The following IQCJ variants were observed in gnomAD, a reference collection of about 807,000 sequenced individuals.
IQCJ encodes IQ motif containing J, also known as IQ domain-containing protein J.
In IQCJ, 9 loss-of-function variants were observed where a neutral mutation model predicts 11.0. The ratio of observed to expected loss-of-function variants is 0.82; its 90% confidence interval spans 0.49 to 1.43. The LOEUF is 1.43. Among genes scored for constraint, IQCJ ranks in the 40% most tolerant of loss-of-function variants. IQCJ has a pLI of 0.00. For missense variants in IQCJ, 146 were observed against 133.2 expected, an observed-to-expected ratio of 1.10 and a Z score of -0.47; for synonymous variants, 55 against 51.3, an observed-to-expected ratio of 1.07 and a Z score of -0.31.
chr3:159,265,459 C>A, downstream of IQCJ: 1 of 1,375,866 alleles, frequency 7.3e-7, no homozygotes, highest in Non-Finnish European at 1.0e-6. Context: ...ACTGACTAAG[C>A]CTGTCATCAA....
intron 1 of IQCJ, among the ~76,000 whole-genome samples, chr3:159,111,199 C>A (rs1298761145): frequency 2.0e-5 from 3 of 152,098 alleles, no homozygotes; most frequent in Admixed American, 6.5e-5. Flanking sequence ...AGGGTGTCTT[C>A]TAATCTTTTA....
At chr3:159,167,406 A>G (rs1722232977) in intron 1 of IQCJ, among the ~76,000 whole-genome samples, 1 of 152,178 alleles carries the variant, frequency 6.6e-6, no homozygotes, top group African/African-American at 2.4e-5. Flanking sequence ...TAGTCATAAC[A>G]TTGCAGCTCA....
At chr3:159,113,526 T>C (rs1228970616) in intron 1 of IQCJ, among the ~76,000 whole-genome samples, 2 of 152,218 alleles carry the variant, frequency 1.3e-5, no homozygotes, top group Non-Finnish European at 2.9e-5. Context: ...ATTTAAAGAA[T>C]TGCTTTTTAT....
rs371105457 is a variant in IQCJ, at chr3:159,191,280, C to G, written c.10-54563C>G. On this transcript the variant is annotated intron_variant, in intron 1 of 3. Transcript: ENST00000397832. The stretch of plus-strand genomic sequence containing the variant: ...AGCATGGGTTTAGGTGTACAGTTAG[C>G]CATCCCTGCCTCAGTTAAGATGATG... 5.8e-4 allele frequency among the ~76,000 whole-genome samples: 88 copies of G among 152,232 alleles called. 1 individual carries two copies. In the South Asian group the frequency reaches 0.01, roughly 18 times the overall value.
At chr3:159,090,701 G>A (rs911073346) in intron 1 of IQCJ, among the ~76,000 whole-genome samples, 2 of 151,776 alleles carry the variant, frequency 1.3e-5, no homozygotes, top group South Asian at 2.1e-4. Flanking sequence ...AGCGTACAGC[G>A]GCCTCTCTTT....
chr3:159,255,411 G>A (rs1405667669), intron 3 of IQCJ, among the ~76,000 whole-genome samples: 1 of 152,214 alleles, frequency 6.6e-6, no homozygotes, highest in Non-Finnish European at 1.5e-5. Flanking sequence ...CTGTTCTCAG[G>A]TGTGGACTGC....
At chr3:159,204,220 C>G (rs1031719574) in intron 1 of IQCJ, among the ~76,000 whole-genome samples, 2 of 152,200 alleles carry the variant, frequency 1.3e-5, no homozygotes, top group African/African-American at 2.4e-5. Flanking sequence ...GAAAACTGGG[C>G]AGGGCACAGT....
chr3:159,263,760 G>T (rs765397174), downstream of IQCJ: 3 of 985,162 alleles, frequency 3.0e-6, no homozygotes, highest in Admixed American at 6.1e-5. Context: ...GTTTTGCCTA[G>T]ATATGGATTT....
chr3:159,145,925 C>A (rs1297119778), intron 1 of IQCJ, among the ~76,000 whole-genome samples: 2 of 152,080 alleles, frequency 1.3e-5, no homozygotes, highest in Admixed American at 6.6e-5. Flanking sequence ...AAATGAAGAA[C>A]CATTATTATT....
intron 1 of IQCJ, among the ~76,000 whole-genome samples, chr3:159,208,203 C>T (rs1355896659): frequency 3.9e-5 from 6 of 152,192 alleles, no homozygotes; most frequent in African/African-American, 1.4e-4. Flanking sequence ...GACTATTCCT[C>T]AAGGAAAATC....
chr3:159,170,576 A>T (rs1722434182), intron 1 of IQCJ, among the ~76,000 whole-genome samples: 2 of 152,194 alleles, frequency 1.3e-5, no homozygotes, highest in South Asian at 4.1e-4. Context: ...GATCTTTAGA[A>T]GATGAGAAGC....
At chr3:159,144,661 GACACAC>G (rs10561081) in intron 1 of IQCJ, among the ~76,000 whole-genome samples, 12,845 of 150,104 alleles carry the variant, frequency 0.086, 1,324 homozygotes, top group East Asian at 0.26. Context: ...TACACACACA[GACACAC>G]ACACACACAC....
intron 1 of IQCJ, among the ~76,000 whole-genome samples, chr3:159,111,766 G>C (rs1718646798): frequency 6.6e-6 from 1 of 152,116 alleles, no homozygotes; most frequent in Non-Finnish European, 1.5e-5. Flanking sequence ...ACATAAATTG[G>C]TCACATTAAA....
intron 1 of IQCJ, among the ~76,000 whole-genome samples, chr3:159,132,086 G>A (rs1720024988): frequency 2.0e-5 from 3 of 152,062 alleles, no homozygotes; most frequent in Non-Finnish European, 4.4e-5. Context: ...CTGTATTTTT[G>A]TACTAAATGC....
At chr3:159,233,204 G>T (rs1327582060) in intron 1 of IQCJ, among the ~76,000 whole-genome samples, 2 of 152,046 alleles carry the variant, frequency 1.3e-5, no homozygotes, top group African/African-American at 2.4e-5. Context: ...AGAGAATTAA[G>T]TCGGTTGGGG....
chr3:159,151,781 G>A (rs1179078288), intron 1 of IQCJ, among the ~76,000 whole-genome samples: 6 of 152,108 alleles, frequency 3.9e-5, no homozygotes, highest in Admixed American at 3.9e-4. Context: ...GACTACAGGT[G>A]CCTGCCACCA....
intron 1 of IQCJ, among the ~76,000 whole-genome samples, chr3:159,092,637 G>T (rs949451483): frequency 4.0e-5 from 6 of 151,008 alleles, no homozygotes; most frequent in African/African-American, 1.5e-4. Context: ...GGCGGAGCTT[G>T]CAGGGAGCCG....
At chr3:159,132,227 C>T (rs1720032326) in intron 1 of IQCJ, among the ~76,000 whole-genome samples, 1 of 152,144 alleles carries the variant, frequency 6.6e-6, no homozygotes. Flanking sequence ...TTGGAAGTTA[C>T]CTTGGGGTTG....
intron 2 of IQCJ, among the ~76,000 whole-genome samples, chr3:159,248,747 A>T (rs574059914): frequency 1.1e-4 from 16 of 152,310 alleles, no homozygotes; most frequent in African/African-American, 3.8e-4. Context: ...TTTTAGGCTC[A>T]TTTCACTTAT....
Sources: allele counts gnomAD v4.1 joint callset (sites outside exome capture counted in the v4.1 genomes callset), GRCh38; gene constraint gnomAD v4.1.1; transcripts MANE v1.5; gene names NCBI Gene and HGNC (gene_info 2026-07-23, HGNC 2026-07-21).